Variants in IPO8 observed in about 807,000 individuals in gnomAD.
The protein encoded by IPO8 is importin-8.
IPO8 carries 65 observed loss-of-function variants against 141.2 expected under a neutral mutation model. That is an observed-to-expected ratio of 0.46 (90% CI 0.38 to 0.57). The LOEUF (loss-of-function observed/expected upper bound fraction) is 0.57. Among genes scored for constraint, IPO8 ranks in the 20% least tolerant of loss-of-function variants. The probability of loss-of-function intolerance (pLI) is 0.00; values close to 1 mark genes in which losing one functional copy is unlikely to be tolerated. For missense variants in IPO8, 980 were observed against 1,246.8 expected (o/e 0.79, Z 3.22); for synonymous variants, 411 against 420.3 (o/e 0.98, Z 0.27).
At chr12:30,669,789 C>A (rs2053023394) in intron 9 of IPO8, among the ~76,000 whole-genome samples, 1 of 151,108 alleles carries the variant, frequency 6.6e-6, no homozygotes, top group African/African-American at 2.4e-5. Context: ...TTGGAATTTT[C>A]TTTACTTCTA....
At chr12:30,661,913 AT>A (rs1016545176) in intron 15 of IPO8, among the ~76,000 whole-genome samples, 12 of 152,112 alleles carry the variant, frequency 7.9e-5, no homozygotes, top group Admixed American at 3.3e-4. Context: ...TATCAGAATA[AT>A]TTTTTTATCA....
chr12:30,654,012 C>T (rs890655775), intron 17 of IPO8, among the ~76,000 whole-genome samples: 1 of 151,912 alleles, frequency 6.6e-6, no homozygotes, highest in East Asian at 1.9e-4. Flanking sequence ...GACACACAGA[C>T]CAATGGAACC....
intron 5 of IPO8, chr12:30,677,251 A>G (rs904277500): frequency 2.3e-6 from 1 of 434,360 alleles, no homozygotes; most frequent in Non-Finnish European, 4.5e-6. Flanking sequence ...CAATGGTCCC[A>G]TAAGATTAGA....
chr12:30,688,124 G>C (rs1418831011), intron 2 of IPO8, among the ~76,000 whole-genome samples: 2 of 152,020 alleles, frequency 1.3e-5, no homozygotes, highest in East Asian at 3.9e-4. Context: ...GATGTAAGAA[G>C]TAAAAAATTA....
At chr12:30,636,934 C>A in intron 22 of IPO8, 48 bp downstream of exon 22, 1 of 1,510,736 alleles carries the variant, frequency 6.6e-7, no homozygotes, top group Non-Finnish European at 9.2e-7. Context: ...AAAATGCATA[C>A]ACAAATCAAA....
At chr12:30,645,383 A>T (rs376578678) in intron 20 of IPO8, among the ~76,000 whole-genome samples, 1 of 152,046 alleles carries the variant, frequency 6.6e-6, no homozygotes. Flanking sequence ...AAAAAAAAAA[A>T]AAAAGAGACA....
intron 4 of IPO8, among the ~76,000 whole-genome samples, chr12:30,680,925 A>G (rs1352890916): frequency 1.3e-5 from 2 of 152,178 alleles, no homozygotes. Flanking sequence ...TATTTAAATT[A>G]ATTTTCATCC....
At chr12:30,635,449 T>C (rs933818734) in intron 22 of IPO8, among the ~76,000 whole-genome samples, 1 of 152,056 alleles carries the variant, frequency 6.6e-6, no homozygotes, top group Non-Finnish European at 1.5e-5. Context: ...TAATTTATAA[T>C]AAAAAGAAAT....
chr12:30,637,069 G>C lies in IPO8; in HGVS notation c.2608C>G (p.Leu870Val). The C allele has an allele frequency of 6.2e-7, 1 of 1,613,966 alleles. No individual in the cohort carries two copies. ...QIVPSILFLF[L>V]GLKQVCATRQ... The stretch of plus-strand genomic sequence containing the variant: ...GTAGCACAGACCTGCTTTAGGCCAA[G>C]GAAAAGGAAAAGAATTGAGGGAACA... Residue 870 changes from leucine to valine, a missense_variant, in exon 22 of 25, where the codon CTT becomes GTT. Physicochemically the swap from Leu to Val is conservative, Grantham distance 32. Around this residue, in one of 3 missense-constraint regions of IPO8, gnomAD observed 924 missense variants for 1,153.9 expected, o/e 0.80. Transcript: ENST00000256079.
intron 1 of IPO8, among the ~76,000 whole-genome samples, chr12:30,693,761 A>G (rs951773816): frequency 6.6e-6 from 1 of 152,230 alleles, no homozygotes; most frequent in Non-Finnish European, 1.5e-5. Context: ...TGAGTGGTAT[A>G]GCAATAAGCT....
intron 22 of IPO8, 53 bp from the exon 23 acceptor site, chr12:30,634,339 T>C: frequency 6.1e-6 from 9 of 1,464,856 alleles, no homozygotes; most frequent in Admixed American, 3.5e-5. Flanking sequence ...GGACAAAATA[T>C]AAAACTTCAC....
intron 16 of IPO8, among the ~76,000 whole-genome samples, chr12:30,659,894 A>AC (rs922638274): frequency 1.3e-5 from 2 of 149,924 alleles, no homozygotes; most frequent in Non-Finnish European, 3.0e-5. Flanking sequence ...CAAAAAAAAA[A>AC]CCCAACAGCT....
At chr12:30,638,121 G>A (rs1020068089) in intron 21 of IPO8, among the ~76,000 whole-genome samples, 1 of 152,070 alleles carries the variant, frequency 6.6e-6, no homozygotes, top group African/African-American at 2.4e-5. Flanking sequence ...AGCAGAGCTC[G>A]AAAGAATCCA....
At chr12:30,637,365 C>T (rs2052517333) in intron 21 of IPO8, among the ~76,000 whole-genome samples, 178 bp from the exon 22 acceptor site, 1 of 152,068 alleles carries the variant, frequency 6.6e-6, no homozygotes. Flanking sequence ...ATTTTGTAAA[C>T]CAATTATTTT....
intron 10 of IPO8, 72 bp downstream of exon 10, chr12:30,669,102 AACATTTGCT>A: frequency 3.3e-6 from 2 of 597,270 alleles, no homozygotes; most frequent in Non-Finnish European, 5.7e-6. Flanking sequence ...ATAAAGTAAT[AACATTTGCT>A]TAAAAATATA....
chr12:30,633,718 C>T (rs977834906), intron 23 of IPO8, among the ~76,000 whole-genome samples: 2 of 152,180 alleles, frequency 1.3e-5, no homozygotes, highest in African/African-American at 2.4e-5. Flanking sequence ...AGGTTGTTAG[C>T]CACAATTTTT....
intron 7 of IPO8, 83 bp downstream of exon 7, chr12:30,674,576 C>T (rs2053093243): frequency 2.0e-6 from 2 of 1,010,392 alleles, no homozygotes; most frequent in Middle Eastern, 4.1e-4. Flanking sequence ...ACTCTTGGCT[C>T]TCGGTGGCTC....
Position 30,669,197 on chromosome 12 carries a change from A to G in IPO8, c.1130T>C (p.Ile377Thr). The G allele has an allele frequency of 6.5e-7, 1 of 1,548,942 alleles. No homozygotes were observed. The highest frequency in any genetic ancestry group is 1.7e-4 in the Middle Eastern group (1 of 5,896). Residue 377 changes from isoleucine to threonine, a missense_variant, in exon 10 of 25, where the codon ATA (isoleucine) becomes ACA (threonine). By Grantham distance (89) the Ile-to-Thr change is moderately conservative. This residue lies in a region of IPO8 where 924 missense variants were observed against 1,153.9 expected (regional missense o/e 0.80). Coordinates refer to ENST00000256079, the MANE Select transcript of IPO8 (RefSeq NM_006390.4). ...ATCTCAATTACCAAATTTCATCCTTATATACTCATATGGATCTTCTTGCCA... is the reference window on the plus strand; with the variant it reads ...ATCTCAATTACCAAATTTCATCCTTGTATACTCATATGGATCTTCTTGCCA... The part of the protein sequence containing the change: ...ELWQEDPYEY[I>T]RMKFDIFEDY...
At chr12:30,652,909 AACAGGAAGAAGTATCTAGAC>A in intron 18 of IPO8, 38 bp downstream of exon 18, 1 of 1,452,194 alleles carries the variant, frequency 6.9e-7, no homozygotes, top group Non-Finnish European at 9.3e-7. Flanking sequence ...TTCAGGTGTC[AACAGGAAGAAGTATCTAGAC>A]ACAGAAAAGC....
Sources: allele counts gnomAD v4.1 joint callset (sites outside exome capture counted in the v4.1 genomes callset), GRCh38; gene constraint gnomAD v4.1.1; regional missense constraint gnomAD v4.1.1; transcripts MANE v1.5; gene names NCBI Gene and HGNC (gene_info 2026-07-23, HGNC 2026-07-21).